Variants in SP140 observed in about 807,000 individuals in gnomAD.
The protein encoded by SP140 is nuclear body protein SP140.
In SP140, 81 loss-of-function variants were observed where a neutral mutation model predicts 125.0. The ratio of observed to expected loss-of-function variants is 0.65; its 90% CI spans 0.54 to 0.78. The LOEUF (loss-of-function observed/expected upper bound fraction) is 0.78. Among genes scored for constraint, SP140 ranks in the 30% least tolerant of loss-of-function variants. SP140 has a pLI of 0.00. For missense variants in SP140, 858 were observed against 1,037.0 expected (o/e 0.83, Z 2.37); for synonymous variants, 312 against 354.0 (o/e 0.88, Z 1.33).
chr2:230,280,458 G>T (rs992578434), intron 15 of SP140, among the ~76,000 whole-genome samples: 6 of 151,960 alleles, frequency 3.9e-5, no homozygotes, highest in Non-Finnish European at 5.9e-5. Context: ...CTTCTTAATA[G>T]GTAAATTTCA....
intron 16 of SP140, 130 bp downstream of exon 16, chr2:230,284,541 C>T (rs1396906250): frequency 1.5e-6 from 1 of 687,316 alleles, no homozygotes; most frequent in Non-Finnish European, 2.3e-6. Flanking sequence ...TGTAGACTAA[C>T]AGGCTGTGAC....
the SP140 span, among the ~76,000 whole-genome samples, chr2:230,186,984 A>C: frequency 2.0e-5 from 3 of 152,112 alleles, no homozygotes; most frequent in African/African-American, 7.2e-5. Flanking sequence ...TGTCTTCTTG[A>C]TATAATGACT....
At chr2:230,314,295 A>G (rs1575408543), downstream of SP140, among the ~76,000 whole-genome samples, 4 of 152,328 alleles carry the variant, frequency 2.6e-5, no homozygotes, top group Admixed American at 2.6e-4. Flanking sequence ...GACTGTGTAG[A>G]GACCGCTCAG....
intron 12 of SP140, among the ~76,000 whole-genome samples, chr2:230,263,710 A>G (rs2052633472): frequency 6.6e-6 from 1 of 152,132 alleles, no homozygotes; most frequent in Admixed American, 6.5e-5. Context: ...AAAAGACTGT[A>G]TCTTTCCTTC....
rs73100102 is a variant in SP140, at chr2:230,208,484, A to C, written c.-322-5170A>C. Among the ~76,000 whole-genome samples, 1,240 of 152,294 alleles carry C rather than the reference A, an allele frequency of 8.1e-3. 11 individuals are homozygous for C. Among genetic ancestry groups the C allele is most frequent in the African/African-American group, 0.028 (1,172 of 41,560 alleles). ...AGGCAGAAGGATTGTCTTAGAAGAG[A>C]AGGAGGGAACTCGGAGAGGAGGGAG... On this transcript the variant is annotated intron_variant, in intron 1 of 4. Coordinates refer to the SP140 transcript ENST00000456542.
At chr2:230,268,579 G>C (rs936045021) in intron 12 of SP140, among the ~76,000 whole-genome samples, 4 of 151,254 alleles carry the variant, frequency 2.6e-5, no homozygotes, top group African/African-American at 9.7e-5. Context: ...AGTGAAACAA[G>C]TAAATAAGTA....
At chr2:230,257,449 T>TAAAAAGTAAA (rs1321718259) in intron 12 of SP140, among the ~76,000 whole-genome samples, 3 of 151,942 alleles carry the variant, frequency 2.0e-5, no homozygotes, top group African/African-American at 7.3e-5. Flanking sequence ...CATAGAGTAA[T>TAAAAAGTAAA]AAAAAGATAT....
Position 230,309,970 on chromosome 2 carries a change from T to C in SP140, c.2105T>C (p.Leu702Pro). Residue 702 changes from leucine to proline, a missense_variant, in exon 23 of 27, where the codon CTG becomes CCG. Coordinates refer to ENST00000392045, the MANE Select transcript of SP140 (RefSeq NM_007237.5). ...ECEVCRDGGE[L>P]FCCDTCSRVF... ...GAGGTGTGCCGGGACGGAGGGGAGC[T>C]GTTCTGTTGCGACACTTGTTCAAGA... The C allele has an allele frequency of 1.2e-6, 2 of 1,614,168 alleles. No homozygotes were observed. Among genetic ancestry groups the C allele is most frequent in the South Asian group, 2.2e-5 (2 of 91,082 alleles).
chr2:230,234,012 ACAT>A (rs2047625067), intron 1 of SP140, among the ~76,000 whole-genome samples: 1 of 152,362 alleles, frequency 6.6e-6, no homozygotes, highest in Admixed American at 6.5e-5. Flanking sequence ...GATAATTTAT[ACAT>A]TTGAGACATC....
At position 230,285,802 on chromosome 2, in the gene SP140, G is replaced by C. The variant is rs749517270; in HGVS notation, c.1615G>C (p.Val539Leu). The change falls in exon 17 of 27, where the codon GTG (valine) becomes CTG (leucine). Residue 539 changes from valine (V) to leucine (L), a missense_variant. By Grantham distance (32) the Val-to-Leu change is conservative. Transcript: ENST00000392045. ...QVVSSEKKAN[V>L]NLKDLSKIRG... ...GGTCTCCAGTGAAAAGAAGGCGAAC[G>C]TGAATCTGAAAGACCTTTCCAAGAT... The C allele has an allele frequency of 5.7e-5, 92 of 1,613,632 alleles. 1 individual carries two copies. Among genetic ancestry groups the C allele is most frequent in the Non-Finnish European group, 7.6e-5 (90 of 1,179,670 alleles).
chr2:230,201,010 T>C (rs754583325), upstream of SP140: 11 of 1,456,690 alleles, frequency 7.6e-6, no homozygotes, highest in Non-Finnish European at 9.6e-6. Context: ...GGAAACACCA[T>C]GGAGAATCTC....
chr2:230,218,787 T>C (rs1374817584), intron 3 of SP140, among the ~76,000 whole-genome samples: 3 of 152,208 alleles, frequency 2.0e-5, no homozygotes, highest in African/African-American at 7.2e-5. Context: ...ATTTTTATTA[T>C]GTAAAGAGAT....
chr2:230,288,713 T>C lies in SP140; in HGVS notation c.1720+747T>C, dbSNP rs139024466. On this transcript the variant is annotated intron_variant, in intron 18 of 26. Coordinates refer to ENST00000392045, the MANE Select transcript of SP140 (RefSeq NM_007237.5). ...CGACTTCCACTTATGAGTGAGAGCA[T>C]GTGATGTTTGGTTTTCTGTTCCTGT... Among the ~76,000 whole-genome samples the C allele has an allele frequency of 4.2e-3, 641 of 152,140 alleles. 11 individuals are homozygous for C. Among genetic ancestry groups the C allele is most frequent in the East Asian group, 0.012 (63 of 5,176 alleles).
intron 12 of SP140, among the ~76,000 whole-genome samples, chr2:230,267,431 C>G (rs2053293247): frequency 6.6e-6 from 1 of 152,138 alleles, no homozygotes; most frequent in African/African-American, 2.4e-5. Flanking sequence ...TTGTTGAAAA[C>G]AGTGTTCCTC....
chr2:230,191,688 G>A, the SP140 span, among the ~76,000 whole-genome samples: 1 of 152,072 alleles, frequency 6.6e-6, no homozygotes, highest in African/African-American at 2.4e-5. Flanking sequence ...ATTCACAGCT[G>A]ATTCTACCAG....
At chr2:230,225,985 C>A in intron 1 of SP140, 82 bp downstream of exon 1, 2 of 1,054,206 alleles carry the variant, frequency 1.9e-6, no homozygotes, top group Non-Finnish European at 2.9e-6. Flanking sequence ...GTCTACCCAG[C>A]TTCACTCTAC....
Position 230,251,060 on chromosome 2 carries a change from A to C in SP140, c.1056A>C (p.Ser352=), listed in dbSNP as rs775122182. The C allele has an allele frequency of 8.1e-6, 13 of 1,612,660 alleles. No individual in the cohort carries two copies. The highest frequency in any genetic ancestry group is 1.3e-5 in the African/African-American group (1 of 75,008). ...EASSSLARCG[S]VSCLSAETFD... is the part of the protein sequence containing the mutation. ...CTAGCTCCCTAGCAAGATGTGGGTC[A>C]GGTAAAGAAGGGGAGGATTTCTGGC... Residue 352 remains serine, a splice_region_variant and synonymous_variant, in exon 10 of 27, where the codon TCA becomes TCC. Coordinates refer to ENST00000392045, the MANE Select transcript of SP140 (RefSeq NM_007237.5).
At chr2:230,260,188 T>C (rs376533522) in intron 12 of SP140, among the ~76,000 whole-genome samples, 73 of 152,288 alleles carry the variant, frequency 4.8e-4, no homozygotes, top group African/African-American at 1.5e-3. Context: ...TCCCTGATCA[T>C]TGGTGATGTT....
rs532832601 is a variant in SP140, at chr2:230,251,978, T to C, written c.1057+917T>C. 9.9e-5 allele frequency among the ~76,000 whole-genome samples: 15 copies of C among 152,016 alleles called. 1 individual carries two copies. The East Asian group carries it at 2.7e-3, about 27-fold the overall frequency. On this transcript the variant is annotated intron_variant, in intron 10 of 26. Coordinates refer to ENST00000392045, the MANE Select transcript of SP140 (RefSeq NM_007237.5). ...GGCTTTCAGTTCTGTGAGGCGGGCA[T>C]GGGTTAGGGTGGGGTCCCATAGACT...
Sources: allele counts gnomAD v4.1 joint callset (sites outside exome capture counted in the v4.1 genomes callset), GRCh38; gene constraint gnomAD v4.1.1; transcripts MANE v1.5; gene names NCBI Gene and HGNC (gene_info 2026-07-23, HGNC 2026-07-21).